The following HSPA12A variants were observed in gnomAD, a reference collection of about 807,000 sequenced individuals.
HSPA12A encodes heat shock 70 kDa protein 12A.
Under a neutral mutation model 69.2 loss-of-function variants are expected in HSPA12A, and 28 were observed. The ratio of observed to expected loss-of-function variants is 0.40; its 90% CI spans 0.30 to 0.55. The LOEUF (loss-of-function observed/expected upper bound fraction) is 0.55. Ranked by LOEUF, HSPA12A falls within the 20% of genes least tolerant of loss-of-function variation. The pLI, the probability that HSPA12A is intolerant of heterozygous loss-of-function variation, is 0.38. For synonymous variants in HSPA12A, 345 were observed against 370.5 expected, an observed-to-expected ratio of 0.93 and a Z score of 0.79; for missense variants, 686 against 900.7, an observed-to-expected ratio of 0.76 and a Z score of 3.05.
chr10:116,802,200 G>A lies in HSPA12A; in HGVS notation c.91+32735C>T, dbSNP rs1482604684. ...TGTTCTTTATGGCATGGTTGTCATT[G>A]AAAAATCTAGAAATAAACTGAATCT... On this transcript the variant is annotated intron_variant, in intron 2 of 12. Coordinates refer to the HSPA12A transcript ENST00000635765. Among the ~76,000 whole-genome samples the A allele has an allele frequency of 2.0e-5, 3 of 152,132 alleles. No homozygotes were observed. The East Asian group carries it at 5.8e-4, about 29-fold the overall frequency.
At chr10:116,790,593 GC>G (rs976325115) in intron 2 of HSPA12A, among the ~76,000 whole-genome samples, 38 of 152,212 alleles carry the variant, frequency 2.5e-4, no homozygotes, top group Admixed American at 1.4e-3. Flanking sequence ...TTCATTCACA[GC>G]CCAGCTCAAA....
chr10:116,674,700 G>A lies in HSPA12A; in HGVS notation c.*81C>T, dbSNP rs1292965267. The A allele has an allele frequency of 7.1e-7, 1 of 1,409,214 alleles. No individual in the cohort carries two copies. The highest frequency in any genetic ancestry group is 1.4e-5 in the African/African-American group (1 of 71,318). The allele number at this position is 1,409,214 out of a possible 1,614,324, so 87.3% of individuals were successfully genotyped here. ...CACATGGGCAATGGTGAGGGTCAAG[G>A]TTAGGGAAAGAACAGTCAAGGTTGA... On this transcript the variant is annotated 3_prime_UTR_variant, in exon 12 of 12. Coordinates refer to ENST00000369209, the MANE Select transcript of HSPA12A (RefSeq NM_025015.3).
At chr10:116,822,408 T>C (rs754197557) in intron 2 of HSPA12A, among the ~76,000 whole-genome samples, 76 of 152,172 alleles carry the variant, frequency 5.0e-4, no homozygotes, top group African/African-American at 9.6e-5. Flanking sequence ...CTTATGAACA[T>C]ACAGAAAGCA....
chr10:116,810,510 G>A (rs987526330), intron 2 of HSPA12A, among the ~76,000 whole-genome samples: 1 of 152,048 alleles, frequency 6.6e-6, no homozygotes, highest in South Asian at 2.1e-4. Context: ...TATACAGTTC[G>A]TATAAGCACG....
At chr10:116,746,049 C>T (rs1482571936), upstream of HSPA12A, among the ~76,000 whole-genome samples, 3 of 152,054 alleles carry the variant, frequency 2.0e-5, no homozygotes, top group Non-Finnish European at 1.5e-5. Context: ...GCCCCCAGAC[C>T]CTAGGATGGT....
intron 2 of HSPA12A, among the ~76,000 whole-genome samples, chr10:116,798,526 A>G (rs1844884308): frequency 6.6e-6 from 1 of 152,122 alleles, no homozygotes; most frequent in Non-Finnish European, 1.5e-5. Context: ...TACACGGAAA[A>G]GTTGGTAGAG....
intron 1 of HSPA12A, among the ~76,000 whole-genome samples, chr10:116,725,919 T>C (rs1489698555): frequency 6.6e-6 from 1 of 152,090 alleles, no homozygotes; most frequent in East Asian, 1.9e-4. Context: ...TCTTAAGGCC[T>C]GCCTCTACCG....
At chr10:116,830,305 G>A (rs1279224025) in intron 2 of HSPA12A, 1 of 152,148 alleles carries the variant, frequency 6.6e-6, no homozygotes, top group Admixed American at 6.5e-5. Context: ...TTAAAGGCAG[G>A]GAAACCATGT....
chr10:116,833,314 A>G (rs1589731790), intron 2 of HSPA12A: 1 of 152,252 alleles, frequency 6.6e-6, no homozygotes, highest in East Asian at 1.9e-4. Flanking sequence ...CTGGACACAG[A>G]TGTCCTGTCA....
intron 2 of HSPA12A, among the ~76,000 whole-genome samples, chr10:116,810,158 C>A (rs1845148673): frequency 6.6e-6 from 1 of 152,110 alleles, no homozygotes; most frequent in African/African-American, 2.4e-5. Flanking sequence ...TTGTTTTCCC[C>A]CTGGTTTAGC....
intron 5 of HSPA12A, among the ~76,000 whole-genome samples, chr10:116,693,271 T>C (rs1463504744): frequency 1.3e-5 from 2 of 152,174 alleles, no homozygotes; most frequent in Non-Finnish European, 2.9e-5. Flanking sequence ...CCCTTAACTT[T>C]TGGTTAAGGT....
At chr10:116,794,196 C>T (rs553576462) in intron 2 of HSPA12A, among the ~76,000 whole-genome samples, 1 of 152,026 alleles carries the variant, frequency 6.6e-6, no homozygotes, top group African/African-American at 2.4e-5. Context: ...GGTGACTGAG[C>T]AAGACTCCGT....
intron 5 of HSPA12A, chr10:116,698,347 G>A: frequency 3.4e-6 from 1 of 298,334 alleles, no homozygotes; most frequent in Non-Finnish European, 6.2e-6. Context: ...TTTCTCTTAG[G>A]GATTTCTTTC....
intron 2 of HSPA12A, among the ~76,000 whole-genome samples, chr10:116,761,682 G>T (rs1360830838): frequency 6.6e-6 from 1 of 152,030 alleles, no homozygotes; most frequent in Non-Finnish European, 1.5e-5. Flanking sequence ...TCCAGCCTCG[G>T]TGACACAGCC....
chr10:116,826,891 C>T (rs575785999), intron 2 of HSPA12A, among the ~76,000 whole-genome samples: 1 of 152,250 alleles, frequency 6.6e-6, no homozygotes, highest in South Asian at 2.1e-4. Flanking sequence ...CTCCTAAAAC[C>T]CAATGAGGCG....
upstream of HSPA12A, among the ~76,000 whole-genome samples, chr10:116,746,934 C>T (rs1348684484): frequency 2.0e-5 from 3 of 152,298 alleles, no homozygotes; most frequent in East Asian, 1.9e-4. Flanking sequence ...GCCAGCGGAA[C>T]GTTGTCCATG....
At chr10:116,738,715 G>A (rs1034590447) in intron 1 of HSPA12A, among the ~76,000 whole-genome samples, 5 of 152,130 alleles carry the variant, frequency 3.3e-5, no homozygotes, top group Admixed American at 2.0e-4. Context: ...CCCGATGGAT[G>A]AGCCCAGGAA....
At chr10:116,709,861 C>T (rs1554882896) in intron 1 of HSPA12A, among the ~76,000 whole-genome samples, 1 of 152,144 alleles carries the variant, frequency 6.6e-6, no homozygotes, top group African/African-American at 2.4e-5. Context: ...TTATGTTATA[C>T]ATACTTTTTA....
intron 2 of HSPA12A, among the ~76,000 whole-genome samples, chr10:116,781,588 C>T (rs546923573): frequency 3.9e-5 from 6 of 152,268 alleles, no homozygotes; most frequent in East Asian, 3.9e-4. Flanking sequence ...CAGCCTGTGT[C>T]GGTTTCTCAG....
Sources: gnomAD v4.1 joint callset for allele counts (sites outside exome capture counted in the v4.1 genomes callset) on GRCh38, gnomAD v4.1.1 for gene constraint, MANE v1.5 for transcripts, NCBI Gene and HGNC (gene_info 2026-07-23, HGNC 2026-07-21) for gene names.